CDC42BPB: variants seen among roughly 807,000 people sequenced by gnomAD.
CDC42BPB encodes serine/threonine-protein kinase MRCK beta.
Under a neutral mutation model 214.9 loss-of-function variants are expected in CDC42BPB, and 37 were observed. The observed-to-expected ratio is 0.17, with a 90% CI of 0.13 to 0.23. The LOEUF (loss-of-function observed/expected upper bound fraction) is 0.23, where lower values mean the gene tolerates loss of function less well. Ranked by LOEUF, CDC42BPB falls within the 10% of genes least tolerant of loss-of-function variation. CDC42BPB has a pLI of 1.00. For missense variants in CDC42BPB, 1,694 were observed against 2,227.0 expected, an observed-to-expected ratio of 0.76 and a Z score of 4.82; for synonymous variants, 931 against 884.0, an observed-to-expected ratio of 1.05 and a Z score of -0.94.
chr14:103,008,696 A>C, intron 2 of CDC42BPB, 141 bp from the exon 3 acceptor site: 1 of 1,456,352 alleles, frequency 6.9e-7, no homozygotes, highest in Non-Finnish European at 9.0e-7. Context: ...CCCACCTAGC[A>C]TGTGCCAGTT....
rs930687219 is a variant in CDC42BPB, at chr14:102,983,856, A to C, written c.691-100T>G. On this transcript the variant is annotated intron_variant, in intron 6 of 36. Coordinates refer to ENST00000361246, the MANE Select transcript of CDC42BPB (RefSeq NM_006035.4). ...ATATAGCGGAGGCAGAAAATGAAATAATCATAGAATAAAACTGATGAATGA... is the reference window on the plus strand; with the variant it reads ...ATATAGCGGAGGCAGAAAATGAAATCATCATAGAATAAAACTGATGAATGA... 14 of 1,484,264 alleles carry C rather than the reference A, an allele frequency of 9.4e-6. No individual in the cohort carries two copies. In the African/African-American group the frequency reaches 1.3e-4, roughly 13 times the overall value. The allele number at this position is 1,484,264 out of a possible 1,614,324, so 91.9% of individuals were successfully genotyped here. A position where few individuals can be genotyped will look rare whatever the true frequency, so the allele number is the denominator to read the frequency against.
At chr14:102,974,679 C>T (rs936145229) in intron 11 of CDC42BPB, among the ~76,000 whole-genome samples, 10 of 152,228 alleles carry the variant, frequency 6.6e-5, no homozygotes, top group African/African-American at 2.4e-4. Flanking sequence ...GGAGCCAGGC[C>T]AGGCGCAGCG....
intron 34 of CDC42BPB, among the ~76,000 whole-genome samples, chr14:102,939,140 C>T (rs1371085526): frequency 3.3e-5 from 5 of 151,950 alleles, no homozygotes; most frequent in African/African-American, 9.7e-5. Context: ...AGGGTTTCAC[C>T]GTGTTAGCCA....
chr14:103,053,576 A>T (rs776017160), intron 1 of CDC42BPB, among the ~76,000 whole-genome samples: 98 of 151,646 alleles, frequency 6.5e-4, no homozygotes, highest in Non-Finnish European at 1.3e-3. Flanking sequence ...CCTGGCTAAC[A>T]CGGTGAAACC....
At chr14:103,049,858 C>T (rs1322512660) in intron 1 of CDC42BPB, among the ~76,000 whole-genome samples, 3 of 152,166 alleles carry the variant, frequency 2.0e-5, no homozygotes, top group South Asian at 2.1e-4. Flanking sequence ...GGATTACAGG[C>T]GTGCGCCACC....
intron 4 of CDC42BPB, among the ~76,000 whole-genome samples, chr14:103,003,528 G>A (rs1010406854): frequency 2.0e-5 from 3 of 152,242 alleles, no homozygotes; most frequent in Non-Finnish European, 4.4e-5. Context: ...GAAGACAGGA[G>A]GACTGCAGGC....
intron 6 of CDC42BPB, 34 bp from the exon 7 acceptor site, chr14:102,983,790 A>G: frequency 6.3e-7 from 1 of 1,596,634 alleles, no homozygotes; most frequent in Non-Finnish European, 8.5e-7. Flanking sequence ...AGGAAACCCT[A>G]GGGCATCTCC....
chr14:102,998,402 C>T (rs530638457), intron 5 of CDC42BPB, among the ~76,000 whole-genome samples: 6 of 152,334 alleles, frequency 3.9e-5, no homozygotes, highest in Non-Finnish European at 7.4e-5. Context: ...GGGGCCAGGG[C>T]TGGGCTTGGT....
In CDC42BPB at chr14:103,056,981, C is replaced by A; in HGVS notation, c.175+18G>T. 2 of 1,396,550 alleles carry A rather than the reference C, an allele frequency of 1.4e-6. No individual in the cohort carries two copies. Among genetic ancestry groups the A allele is most frequent in the Non-Finnish European group, 1.9e-6 (2 of 1,071,034 alleles). 86.5% of individuals were successfully genotyped at this position (1,396,550 alleles called of 1,614,324 possible). On this transcript the variant is annotated intron_variant, in intron 1 of 36. Transcript: ENST00000361246. Reference sequence around the variant, plus strand: ...GGGTCGCAGAGCCGCAGGTCCGGCCCTGCCGGCGCGCACTTACCCCACTCG... The same window carrying A: ...GGGTCGCAGAGCCGCAGGTCCGGCCATGCCGGCGCGCACTTACCCCACTCG...
chr14:102,989,860 A>G (rs1219781783), intron 5 of CDC42BPB, among the ~76,000 whole-genome samples: 1 of 132,144 alleles, frequency 7.6e-6, no homozygotes, highest in Non-Finnish European at 1.6e-5. Flanking sequence ...ACTCTGTTTC[A>G]AAAAAAAAAA....
chr14:102,940,173 C>T, intron 31 of CDC42BPB, 43 bp from the exon 32 acceptor site: 2 of 1,613,630 alleles, frequency 1.2e-6, no homozygotes, highest in Non-Finnish European at 1.7e-6. Flanking sequence ...CGGCCACGCA[C>T]AGACTGCACC....
At chr14:103,008,781 CA>C in intron 2 of CDC42BPB, 1 of 654,596 alleles carries the variant, frequency 1.5e-6, no homozygotes, top group Non-Finnish European at 1.9e-6. Flanking sequence ...CCTGCAAATT[CA>C]CCCCTTTATG....
In CDC42BPB at chr14:102,981,301, C is replaced by A. The variant is rs765793054; in HGVS notation, c.892-280G>T. 6 of 565,608 alleles carry A rather than the reference C, an allele frequency of 1.1e-5. No individual in the cohort carries two copies. The African/African-American group carries it at 1.2e-4, about 12-fold the overall frequency. 35.0% of individuals were successfully genotyped at this position (565,608 alleles called of 1,614,324 possible). Reference sequence around the variant, plus strand: ...CAAGGAATGTGGGAAACATGCCGTGCGCGGGAAGAGGGACAGGCGCAGCCC... The same window carrying A: ...CAAGGAATGTGGGAAACATGCCGTGAGCGGGAAGAGGGACAGGCGCAGCCC... On this transcript the variant is annotated intron_variant, in intron 7 of 36. Coordinates refer to ENST00000361246, the MANE Select transcript of CDC42BPB (RefSeq NM_006035.4).
In CDC42BPB at chr14:102,972,035, G is replaced by T. The variant is rs767081811; in HGVS notation, c.1768C>A (p.Gln590Lys). 1 of 1,614,220 alleles carries T rather than the reference G, an allele frequency of 6.2e-7. No individual in the cohort carries two copies. Among genetic ancestry groups the T allele is most frequent in the Admixed American group, 1.7e-5 (1 of 60,028 alleles). Residue 590 changes from glutamine (Q) to lysine (K), a missense_variant, in exon 13 of 37, where the codon CAG (glutamine) becomes AAG (lysine). Around this residue, in one of 7 missense-constraint regions of CDC42BPB, gnomAD observed 462 missense variants for 513.5 expected, o/e 0.90. Coordinates refer to ENST00000361246, the MANE Select transcript of CDC42BPB (RefSeq NM_006035.4). The stretch of plus-strand genomic sequence containing the variant: ...AGCTGCCGGGACACCTTCTGCTTCT[G>T]GGCACGGAGCTCTGCCATGCGCTCG... ...LNERMAELRA[Q>K]KQKVSRQLRD...
chr14:102,987,428 A>C (rs1370814038), intron 5 of CDC42BPB, among the ~76,000 whole-genome samples: 3 of 152,222 alleles, frequency 2.0e-5, no homozygotes, highest in Admixed American at 1.3e-4. Context: ...ACATTCAGCA[A>C]AAGACAAGTA....
intron 14 of CDC42BPB, among the ~76,000 whole-genome samples, chr14:102,969,621 C>T (rs1478916742): frequency 2.6e-5 from 4 of 152,216 alleles, no homozygotes; most frequent in African/African-American, 9.6e-5. Flanking sequence ...AGATCCAGGC[C>T]ACGCCATACT....
In CDC42BPB at chr14:102,978,185, A is replaced by T. The variant is rs1285409891; in HGVS notation, c.1161T>A (p.Ser387=). ...AATGTAATCCAGAAAAGCCTGTGTG[A>T]GAACCAGGAGGTAATATTTCCTGCA... ...LRNTEILPPG[S]HTGFSGLHLP... Residue 387 remains serine (S), a synonymous_variant, in exon 9 of 37, where the codon TCT becomes TCA. Transcript: ENST00000361246. 6.2e-7 allele frequency: 1 copy of T among 1,613,302 alleles called. No individual in the cohort carries two copies. The highest frequency in any genetic ancestry group is 8.5e-7 in the Non-Finnish European group (1 of 1,179,198).
intron 6 of CDC42BPB, 45 bp downstream of exon 6, chr14:102,986,442 G>A: frequency 6.9e-7 from 1 of 1,451,268 alleles, no homozygotes; most frequent in Non-Finnish European, 9.6e-7. Flanking sequence ...CTGACTATAT[G>A]CCAAACCCAA....
chr14:103,006,976 C>T (rs1417429209), intron 3 of CDC42BPB, among the ~76,000 whole-genome samples: 4 of 152,328 alleles, frequency 2.6e-5, no homozygotes, highest in African/African-American at 7.2e-5. Flanking sequence ...CAATAACATT[C>T]CTGTGTTTGC....
Sources: allele counts gnomAD v4.1 joint callset (sites outside exome capture counted in the v4.1 genomes callset), GRCh38; gene constraint gnomAD v4.1.1; regional missense constraint gnomAD v4.1.1; transcripts MANE v1.5; gene names NCBI Gene and HGNC (gene_info 2026-07-23, HGNC 2026-07-21).